The following VPS37A variants were observed in gnomAD, a reference collection of about 807,000 sequenced individuals.
The protein encoded by VPS37A is vacuolar protein sorting-associated protein 37A.
A neutral mutation model predicts 49.8 loss-of-function variants in VPS37A; 30 were observed. The observed-to-expected ratio is 0.60, with a 90% CI of 0.45 to 0.82. The LOEUF is 0.82. VPS37A is among the 40% of genes least tolerant of loss of function. The probability of loss-of-function intolerance (pLI) is 0.00; values close to 1 mark genes in which losing one functional copy is unlikely to be tolerated. For missense variants in VPS37A, 593 were observed against 464.4 expected, an observed-to-expected ratio of 1.28 and a Z score of -2.55; for synonymous variants, 195 against 160.6, an observed-to-expected ratio of 1.21 and a Z score of -1.62.
At chr8:17,274,161 G>C (rs1354362812) in intron 4 of VPS37A, among the ~76,000 whole-genome samples, 1 of 152,188 alleles carries the variant, frequency 6.6e-6, no homozygotes, top group Non-Finnish European at 1.5e-5. Flanking sequence ...ATTGTTCTGT[G>C]ATTGAATCCA....
At chr8:17,311,422 G>A in the VPS37A span, 3 of 1,549,294 alleles carry the variant, frequency 1.9e-6, no homozygotes, top group East Asian at 2.3e-5. Flanking sequence ...ATGCTGGCAA[G>A]AAAACAGCAG....
chr8:17,256,772 C>A (rs1330686225), intron 1 of VPS37A, among the ~76,000 whole-genome samples: 2 of 151,966 alleles, frequency 1.3e-5, no homozygotes, highest in Non-Finnish European at 2.9e-5. Flanking sequence ...CCTGCCTCAG[C>A]CTTCCAAGTA....
In VPS37A at chr8:17,247,190, C is replaced by T; in HGVS notation, c.-55C>T. 6.4e-7 allele frequency: 1 copy of T among 1,552,972 alleles called. No individual in the cohort carries two copies. Among genetic ancestry groups the T allele is most frequent in the Non-Finnish European group, 8.7e-7 (1 of 1,148,594 alleles). ...GCTGGAGAACCGCCGGGCCGAGCCA[C>T]TGGGAGAAGCAGGCCAGAGCCTTCC... is the stretch of plus-strand genomic sequence containing the variant. On this transcript the variant is annotated 5_prime_UTR_variant, in exon 1 of 12. Coordinates refer to ENST00000324849, the MANE Select transcript of VPS37A (RefSeq NM_152415.3).
rs1265702676 is a variant in VPS37A, at chr8:17,284,539, GATA to G, written c.1040_1042del (p.Asn347del). ...TGCACATGAAGCTGAGGAAGAATCT[GATA>G]ATATTGCAGAAGACTTCTTGGAGGG... On this transcript the variant is annotated inframe_deletion, in exon 10 of 12. Transcript: ENST00000324849. 6.2e-7 allele frequency: 1 copy of G among 1,600,138 alleles called. No homozygotes were observed. The highest frequency in any genetic ancestry group is 8.5e-7 in the Non-Finnish European group (1 of 1,175,420).
chr8:17,304,460 A>C (rs749384587), downstream of VPS37A: 26 of 1,613,974 alleles, frequency 1.6e-5, no homozygotes, highest in Non-Finnish European at 2.2e-5. Context: ...CAGAGGATTC[A>C]GGTAGTCGGC....
chr8:17,247,384 C>A lies in VPS37A; in HGVS notation c.125+15C>A. On this transcript the variant is annotated intron_variant, in intron 1 of 11. Transcript: ENST00000324849. The stretch of plus-strand genomic sequence containing the variant: ...TCACACTCCAGGTGACTGGTCGCTG[C>A]CTCTCCACCGGAGGAAAAAGTAGGG... The A allele has an allele frequency of 6.5e-7, 1 of 1,535,332 alleles. No individual in the cohort carries two copies. Among genetic ancestry groups the A allele is most frequent in the Admixed American group, 2.1e-5 (1 of 48,262 alleles).
the VPS37A span, among the ~76,000 whole-genome samples, chr8:17,308,217 T>C: frequency 6.6e-6 from 1 of 152,102 alleles, no homozygotes; most frequent in Non-Finnish European, 1.5e-5. Context: ...TTTTTCCTTA[T>C]CAAACAATTA....
chr8:17,258,243 C>T (rs920882888), intron 1 of VPS37A, among the ~76,000 whole-genome samples: 1 of 152,158 alleles, frequency 6.6e-6, no homozygotes, highest in African/African-American at 2.4e-5. Flanking sequence ...AGAGGAAAGG[C>T]CTTCAGTTTT....
the VPS37A span, chr8:17,311,650 G>C: frequency 6.2e-7 from 1 of 1,613,782 alleles, no homozygotes; most frequent in East Asian, 2.2e-5. Flanking sequence ...GAAAACACAC[G>C]ATCCGCAAAG....
chr8:17,314,270 A>C, the VPS37A span, among the ~76,000 whole-genome samples: 4 of 152,138 alleles, frequency 2.6e-5, no homozygotes, highest in Admixed American at 6.5e-5. Context: ...CAATCAAGAA[A>C]TCATAGATTT....
the VPS37A span, chr8:17,311,719 A>G: frequency 2.5e-6 from 4 of 1,582,540 alleles, no homozygotes; most frequent in Middle Eastern, 1.7e-4. Context: ...GTTTGACTGT[A>G]TATTTACAGA....
At chr8:17,263,166 A>G (rs1312591856) in intron 1 of VPS37A, among the ~76,000 whole-genome samples, 1 of 152,126 alleles carries the variant, frequency 6.6e-6, no homozygotes. Flanking sequence ...CAGTGTAATT[A>G]TATTTTTATT....
intron 1 of VPS37A, chr8:17,247,984 A>G: frequency 1.8e-6 from 1 of 559,520 alleles, no homozygotes. Flanking sequence ...CCCACGCTCA[A>G]GAATTACTTT....
chr8:17,270,132 A>G (rs946748837), intron 4 of VPS37A, among the ~76,000 whole-genome samples: 2 of 152,130 alleles, frequency 1.3e-5, no homozygotes, highest in African/African-American at 4.8e-5. Flanking sequence ...GCATTAAAGT[A>G]TTCATGAGAA....
chr8:17,332,262 A>T, the VPS37A span, among the ~76,000 whole-genome samples: 1 of 152,216 alleles, frequency 6.6e-6, no homozygotes, highest in Non-Finnish European at 1.5e-5. Context: ...GCACAATAGT[A>T]CTTTTTAAAA....
At chr8:17,307,097 C>T (rs1337452763), downstream of VPS37A, among the ~76,000 whole-genome samples, 1 of 152,128 alleles carries the variant, frequency 6.6e-6, no homozygotes, top group East Asian at 1.9e-4. Context: ...TCAGAGTGAA[C>T]AGGCAACCTA....
At chr8:17,272,573 G>A (rs1438030260) in intron 4 of VPS37A, among the ~76,000 whole-genome samples, 1 of 152,110 alleles carries the variant, frequency 6.6e-6, no homozygotes, top group Non-Finnish European at 1.5e-5. Flanking sequence ...TTTGTGGGTT[G>A]TACCTGCTAC....
At chr8:17,300,122 TG>T, downstream of VPS37A, 1 of 1,614,172 alleles carries the variant, frequency 6.2e-7, no homozygotes, top group Non-Finnish European at 8.5e-7. Flanking sequence ...GTGTTGGCTA[TG>T]CTGTTGTCTG....
In VPS37A at chr8:17,282,878, G is replaced by A. The variant is rs549532442; in HGVS notation, c.970-1595G>A. ...ACCACTTCATTAGACCATTGGTTCC[G>A]TGATGGAGGAATCTGTTCTGTTTCA... On this transcript the variant is annotated intron_variant, in intron 9 of 11. Transcript: ENST00000324849. 9.2e-5 allele frequency among the ~76,000 whole-genome samples: 14 copies of A among 152,264 alleles called. No homozygotes were observed. In the South Asian group the frequency reaches 1.5e-3, roughly 16 times the overall value.
Sources: gnomAD v4.1 joint callset for allele counts (sites outside exome capture counted in the v4.1 genomes callset) on GRCh38, gnomAD v4.1.1 for gene constraint, MANE v1.5 for transcripts, NCBI Gene and HGNC (gene_info 2026-07-23, HGNC 2026-07-21) for gene names.